Variants in CDH8 observed in about 807,000 individuals in gnomAD.
CDH8 encodes the protein cadherin-8.
CDH8 carries 17 observed loss-of-function variants against 68.1 expected under a neutral mutation model. The observed-to-expected ratio is 0.25, with a 90% CI of 0.17 to 0.37. The LOEUF is 0.37. CDH8 is among the 10% of genes least tolerant of loss of function. CDH8 has a pLI of 1.00. For missense variants in CDH8, 763 were observed against 999.3 expected, an observed-to-expected ratio of 0.76 and a Z score of 3.19; for synonymous variants, 372 against 365.1, an observed-to-expected ratio of 1.02 and a Z score of -0.21.
intron 1 of CDH8, among the ~76,000 whole-genome samples, chr16:62,033,031 T>C (rs1410227551): frequency 1.3e-5 from 2 of 152,236 alleles, no homozygotes; most frequent in Admixed American, 1.3e-4. Flanking sequence ...AGAATCATTA[T>C]ATTCTCATTC....
chr16:61,977,380 T>C (rs1965454157), intron 2 of CDH8, among the ~76,000 whole-genome samples: 2 of 152,162 alleles, frequency 1.3e-5, no homozygotes, highest in South Asian at 2.1e-4. Context: ...TTATTCAACA[T>C]TTCTCCAAGA....
At chr16:61,871,129 A>AACAC (rs569789394) in intron 3 of CDH8, among the ~76,000 whole-genome samples, 1 of 150,034 alleles carries the variant, frequency 6.7e-6, no homozygotes, top group Non-Finnish European at 1.5e-5. Flanking sequence ...CAGCCAGGAA[A>AACAC]ACACACACAC....
intron 2 of CDH8, among the ~76,000 whole-genome samples, chr16:61,950,294 G>C (rs1444979130): frequency 6.6e-6 from 1 of 152,190 alleles, no homozygotes; most frequent in Non-Finnish European, 1.5e-5. Flanking sequence ...ATAAGACAGA[G>C]AGTAGGATAT....
intron 9 of CDH8, among the ~76,000 whole-genome samples, chr16:61,718,370 T>C (rs1567438361): frequency 6.6e-6 from 1 of 151,458 alleles, no homozygotes; most frequent in Non-Finnish European, 1.5e-5. Context: ...GCTTCTAGAA[T>C]ATATGTCTAT....
chr16:61,970,432 T>C (rs556224750), intron 2 of CDH8, among the ~76,000 whole-genome samples: 2 of 152,282 alleles, frequency 1.3e-5, no homozygotes, highest in East Asian at 1.9e-4. Flanking sequence ...AACTTGATAA[T>C]GGTAATTTTT....
chr16:61,742,387 T>TAA (rs1779237138), intron 8 of CDH8, among the ~76,000 whole-genome samples: 1 of 152,124 alleles, frequency 6.6e-6, no homozygotes, highest in African/African-American at 2.4e-5. Context: ...TATAATTGAA[T>TAA]AAAACTAGCA....
intron 3 of CDH8, among the ~76,000 whole-genome samples, chr16:61,890,231 G>A (rs892980588): frequency 1.3e-5 from 2 of 152,086 alleles, no homozygotes; most frequent in African/African-American, 4.8e-5. Flanking sequence ...TAATCAAATC[G>A]AGTTTAAGAT....
At chr16:61,714,109 G>C in intron 9 of CDH8, 151 bp from the exon 10 acceptor site, 1 of 648,346 alleles carries the variant, frequency 1.5e-6, no homozygotes. Flanking sequence ...TTTGTGCCAA[G>C]AATAAGGAGA....
At chr16:61,726,902 T>C in intron 9 of CDH8, 192 bp downstream of exon 9, 1 of 569,952 alleles carries the variant, frequency 1.8e-6, no homozygotes, top group Admixed American at 3.2e-5. Flanking sequence ...GGAGCCAATT[T>C]GGTCATAAGT....
intron 2 of CDH8, among the ~76,000 whole-genome samples, chr16:61,921,521 C>T (rs1462842234): frequency 6.6e-6 from 1 of 152,134 alleles, no homozygotes; most frequent in Non-Finnish European, 1.5e-5. Context: ...GAAAATCTGT[C>T]CCCGAACAGA....
At chr16:61,932,436 G>C (rs896080155) in intron 2 of CDH8, among the ~76,000 whole-genome samples, 2 of 151,998 alleles carry the variant, frequency 1.3e-5, no homozygotes, top group Non-Finnish European at 2.9e-5. Flanking sequence ...CCAAACAAGA[G>C]CATATTTATG....
chr16:62,030,920 G>T (rs1053679782), intron 1 of CDH8, among the ~76,000 whole-genome samples: 2 of 151,948 alleles, frequency 1.3e-5, no homozygotes, highest in Non-Finnish European at 2.9e-5. Flanking sequence ...ACCCATAGTT[G>T]CAATTCACAT....
chr16:61,662,482 T>C (rs1963588149), intron 10 of CDH8, among the ~76,000 whole-genome samples: 1 of 151,744 alleles, frequency 6.6e-6, no homozygotes, highest in African/African-American at 2.4e-5. Context: ...ACATACTACA[T>C]TATTTTAAAA....
chr16:61,954,432 C>T (rs1382057094), intron 2 of CDH8, among the ~76,000 whole-genome samples: 2 of 151,992 alleles, frequency 1.3e-5, no homozygotes, highest in African/African-American at 2.4e-5. Context: ...TTAAATTTGA[C>T]TCATGATAAA....
chr16:61,841,060 G>A (rs1962673695), intron 4 of CDH8, among the ~76,000 whole-genome samples: 1 of 152,148 alleles, frequency 6.6e-6, no homozygotes. Flanking sequence ...TATGGCTGAA[G>A]AGTACTCCAT....
At chr16:61,966,986 C>A (rs1008206393) in intron 2 of CDH8, among the ~76,000 whole-genome samples, 5 of 152,094 alleles carry the variant, frequency 3.3e-5, no homozygotes, top group African/African-American at 1.2e-4. Flanking sequence ...GGGAGGACAC[C>A]TGAGGCCAGG....
rs1417034689 is a variant in CDH8 at position 62,011,995 on chromosome 16, C to T, written c.252+9157G>A. 2.0e-5 allele frequency among the ~76,000 whole-genome samples: 3 copies of T among 152,172 alleles called. No individual in the cohort carries two copies. The East Asian group carries it at 5.8e-4, about 29-fold the overall frequency. On this transcript the variant is annotated intron_variant, in intron 2 of 11. Transcript: ENST00000577390. The stretch of plus-strand genomic sequence containing the variant: ...GACTTAGGGACAGAAATGTGGATGA[C>T]CAAATTAGGCCAAGGTGTGTATGTG...
chr16:61,856,673 C>A (rs371463519), intron 4 of CDH8, among the ~76,000 whole-genome samples: 2 of 152,066 alleles, frequency 1.3e-5, no homozygotes, highest in Admixed American at 6.6e-5. Flanking sequence ...TACCACATGA[C>A]GTGCACTGTG....
chr16:61,867,997 G>A (rs561253225), intron 3 of CDH8, among the ~76,000 whole-genome samples: 11 of 152,134 alleles, frequency 7.2e-5, no homozygotes, highest in South Asian at 4.2e-4. Flanking sequence ...ACATGGCTCC[G>A]TCACTTTGTT....
Sources: gnomAD v4.1 joint callset for allele counts (sites outside exome capture counted in the v4.1 genomes callset) on GRCh38, gnomAD v4.1.1 for gene constraint, MANE v1.5 for transcripts, NCBI Gene and HGNC (gene_info 2026-07-23, HGNC 2026-07-21) for gene names.